Variants in PEX5L observed in about 807,000 individuals in gnomAD.
The protein encoded by PEX5L is PEX5-related protein.
In PEX5L, 30 loss-of-function variants were observed where a neutral mutation model predicts 84.0. The observed-to-expected ratio is 0.36, with a 90% CI of 0.27 to 0.48. The LOEUF is 0.48. Among genes scored for constraint, PEX5L ranks in the 20% least tolerant of loss-of-function variants. The pLI, the probability that PEX5L is intolerant of heterozygous loss-of-function variation, is 0.99. For missense variants in PEX5L, 533 were observed against 754.6 expected (o/e 0.71, Z 3.44); for synonymous variants, 270 against 283.1 (o/e 0.95, Z 0.46).
At chr3:180,015,095 C>T (rs1789829844) in intron 1 of PEX5L, among the ~76,000 whole-genome samples, 1 of 152,134 alleles carries the variant, frequency 6.6e-6, no homozygotes, top group African/African-American at 2.4e-5. Flanking sequence ...AGATGAAGTG[C>T]TGTGGGGATT....
Position 179,887,795 on chromosome 3 carries a change from A to G in PEX5L, c.199-11T>C. On this transcript the variant is annotated splice_polypyrimidine_tract_variant and intron_variant, in intron 3 of 14. Transcript: ENST00000467460. The stretch of plus-strand genomic sequence containing the variant: ...TTGCTCATTCACCAGCTGAGAACAA[A>G]TGAACAGAGGTGTCAAAGGGCTTTG... 1 of 1,578,786 alleles carries G rather than the reference A, an allele frequency of 6.3e-7. No individual in the cohort carries two copies. Among genetic ancestry groups the G allele is most frequent in the Non-Finnish European group, 8.7e-7 (1 of 1,148,026 alleles).
chr3:179,898,111 C>T, intron 3 of PEX5L, 31 bp downstream of exon 3: 2 of 1,373,406 alleles, frequency 1.5e-6, no homozygotes, highest in African/African-American at 1.4e-5. Flanking sequence ...CATATGTCAG[C>T]TTCCTACAGA....
chr3:179,900,794 C>T, intron 2 of PEX5L: 1 of 1,220,430 alleles, frequency 8.2e-7, no homozygotes, highest in Non-Finnish European at 1.2e-6. Context: ...TTCTTTACAG[C>T]CTTTTTTGGC....
intron 1 of PEX5L, among the ~76,000 whole-genome samples, chr3:179,983,250 C>T (rs559293554): frequency 1.1e-4 from 16 of 151,804 alleles, no homozygotes; most frequent in Admixed American, 3.9e-4. Flanking sequence ...AAATAAATTG[C>T]GACTACCTTT....
intron 1 of PEX5L, among the ~76,000 whole-genome samples, chr3:180,003,791 C>T (rs186340959): frequency 8.5e-5 from 13 of 152,164 alleles, no homozygotes; most frequent in Admixed American, 3.9e-4. Flanking sequence ...TTTTGGCTTC[C>T]GTTGGCTACT....
chr3:180,001,851 A>G (rs1788450541), intron 1 of PEX5L, among the ~76,000 whole-genome samples: 1 of 152,212 alleles, frequency 6.6e-6, no homozygotes, highest in Non-Finnish European at 1.5e-5. Context: ...ATCCATGAAT[A>G]ATCAACAAGA....
chr3:179,885,277 C>A (rs28534744), intron 4 of PEX5L, among the ~76,000 whole-genome samples: 62,955 of 151,892 alleles, frequency 0.41, 13,481 homozygotes, highest in Non-Finnish European at 0.47. Context: ...CAGTTTCATT[C>A]GAGATATAAT....
chr3:180,023,616 C>A (rs1459690346), intron 1 of PEX5L, among the ~76,000 whole-genome samples: 2 of 152,076 alleles, frequency 1.3e-5, no homozygotes, highest in Admixed American at 6.5e-5. Flanking sequence ...ATAATAGAAT[C>A]CTAGAGCTGG....
chr3:179,974,126 G>A, intron 1 of PEX5L: 1 of 985,514 alleles, frequency 1.0e-6, no homozygotes, highest in Non-Finnish European at 1.2e-6. Flanking sequence ...CTCCCAGCCG[G>A]GAATCCCTGT....
intron 10 of PEX5L, among the ~76,000 whole-genome samples, chr3:179,815,409 ACT>A (rs1472450163): frequency 2.0e-5 from 3 of 152,310 alleles, no homozygotes; most frequent in African/African-American, 7.2e-5. Context: ...ACATGGTGAA[ACT>A]CTGTCTCTAC....
chr3:179,813,968 G>T (rs1348093006), intron 10 of PEX5L, among the ~76,000 whole-genome samples: 1 of 147,262 alleles, frequency 6.8e-6, no homozygotes, highest in Non-Finnish European at 1.5e-5. Flanking sequence ...GAGCCACCGC[G>T]CCCGGCCATT....
At chr3:179,868,215 T>C (rs1749064334) in intron 7 of PEX5L, among the ~76,000 whole-genome samples, 1 of 151,910 alleles carries the variant, frequency 6.6e-6, no homozygotes, top group Non-Finnish European at 1.5e-5. Context: ...TGGGTTGATT[T>C]GAGTCCTGGA....
At chr3:179,926,820 C>T (rs879472478) in intron 2 of PEX5L, among the ~76,000 whole-genome samples, 1 of 152,008 alleles carries the variant, frequency 6.6e-6, no homozygotes. Flanking sequence ...ATTGTTTAAC[C>T]GTGTAAACTT....
chr3:179,905,494 C>T (rs1304128636), intron 2 of PEX5L, among the ~76,000 whole-genome samples: 1 of 152,026 alleles, frequency 6.6e-6, no homozygotes, highest in Non-Finnish European at 1.5e-5. Context: ...AGGATGGTCT[C>T]GTGATCCGCC....
intron 1 of PEX5L, among the ~76,000 whole-genome samples, chr3:180,006,008 G>A (rs1197839213): frequency 5.9e-5 from 9 of 152,090 alleles, no homozygotes; most frequent in Non-Finnish European, 1.2e-4. Flanking sequence ...TTATCTTTTA[G>A]AAGTCTCCTG....
chr3:179,829,661 C>A (rs75402704), intron 8 of PEX5L, among the ~76,000 whole-genome samples: 30 of 151,884 alleles, frequency 2.0e-4, no homozygotes, highest in African/African-American at 7.2e-4. Flanking sequence ...TGAACGGGTT[C>A]TTTTCTCCCG....
intron 8 of PEX5L, among the ~76,000 whole-genome samples, chr3:179,831,012 G>A (rs575586501): frequency 2.5e-4 from 38 of 152,198 alleles, no homozygotes; most frequent in Non-Finnish European, 4.1e-4. Flanking sequence ...TGGAAAGCAG[G>A]TCTACCATTT....
intron 3 of PEX5L, among the ~76,000 whole-genome samples, chr3:179,896,860 A>G (rs1039272989): frequency 1.7e-4 from 26 of 152,116 alleles, no homozygotes; most frequent in Non-Finnish European, 5.9e-5. Flanking sequence ...GTAAAACTGT[A>G]TATGTTTTAC....
rs1463467663 is a variant in PEX5L at position 179,801,846 on chromosome 3, A to G, written c.1863T>C (p.Ala621=). ...TCTTTCTTCAAGGATCCAAGTTGAA[A>G]GCTCTTAAGAGGACATCCAGGTCAC... ...NLGDLDVLLR[A]FNLDP The change falls in exon 15 of 15, where the codon GCT becomes GCC. Residue 621 remains alanine, a synonymous_variant. Transcript: ENST00000467460. The G allele has an allele frequency of 3.1e-6, 5 of 1,611,196 alleles. No homozygotes were observed. Among genetic ancestry groups the G allele is most frequent in the East Asian group, 2.2e-5 (1 of 44,874 alleles).
Sources: allele counts gnomAD v4.1 joint callset (sites outside exome capture counted in the v4.1 genomes callset), GRCh38; gene constraint gnomAD v4.1.1; transcripts MANE v1.5; gene names NCBI Gene and HGNC (gene_info 2026-07-23, HGNC 2026-07-21).